The following PLA2G4B variants were observed in gnomAD, a reference collection of about 807,000 sequenced individuals.
PLA2G4B encodes cytosolic phospholipase A2 beta.
A neutral mutation model predicts 95.8 loss-of-function variants in PLA2G4B; 122 were observed. The ratio of observed to expected loss-of-function variants is 1.27; its 90% CI spans 1.10 to 1.48. The LOEUF is 1.48. Among genes scored for constraint, PLA2G4B ranks in the 40% most tolerant of loss-of-function variants. The probability of loss-of-function intolerance (pLI) is 0.00; values close to 1 mark genes in which losing one functional copy is unlikely to be tolerated. For synonymous variants in PLA2G4B, 518 were observed against 421.5 expected, an observed-to-expected ratio of 1.23 and a Z score of -2.80; for missense variants, 1,158 against 996.2, an observed-to-expected ratio of 1.16 and a Z score of -2.19.
Position 41,842,585 on chromosome 15 carries a change from A to C in PLA2G4B, c.737A>C (p.Glu246Ala). 3.7e-6 allele frequency: 6 copies of C among 1,607,200 alleles called. No individual in the cohort carries two copies. Among genetic ancestry groups the C allele is most frequent in the Non-Finnish European group, 5.1e-6 (6 of 1,178,290 alleles). ...CTGATGAGAGTGGAGCTGAAAAAAG[A>C]AGCAGGGTGAGAGGCCTGGCTGGGG... ...EPLMRVELKKEAGLRELAVRL... is the reference protein window; with the variant it reads ...EPLMRVELKKAAGLRELAVRL... Residue 246 changes from glutamate (E) to alanine (A), a missense_variant, in exon 10 of 20, where the codon GAA becomes GCA. Transcript: ENST00000458483.
At position 41,845,209 on chromosome 15, in the gene PLA2G4B, G is replaced by A. The variant is rs1405954915; in HGVS notation, c.1246G>A (p.Asp416Asn). ...NEALLHDEPH[D>N]HKLSDQREAL... The stretch of plus-strand genomic sequence containing the variant: ...TCTACGCATCTTTCCCCAGCCCCAT[G>A]ATCACAAGCTCTCAGATCAACGGGA... Residue 416 changes from aspartate (D) to asparagine (N), a missense_variant, in exon 14 of 20, where the codon GAT becomes AAT. Asp to Asn is a conservative substitution (Grantham distance 23, BLOSUM62 1). Transcript: ENST00000458483. 1.2e-6 allele frequency: 2 copies of A among 1,614,022 alleles called. No individual in the cohort carries two copies. The highest frequency in any genetic ancestry group is 1.3e-5 in the African/African-American group (1 of 74,938).
rs148841216 is a variant in PLA2G4B at position 41,845,082 on chromosome 15, G to T, written c.1239+12G>T. 5.6e-6 allele frequency: 9 copies of T among 1,595,422 alleles called. No individual in the cohort carries two copies. Among genetic ancestry groups the T allele is most frequent in the Admixed American group, 1.7e-5 (1 of 58,308 alleles). On this transcript the variant is annotated intron_variant, in intron 13 of 19. Coordinates refer to ENST00000458483, the MANE Select transcript of PLA2G4B (RefSeq NM_001114633.2). The stretch of plus-strand genomic sequence containing the variant: ...TGCTGCATGATGAGGTGCGGGGGCT[G>T]CGGCCTGGGGGCAGAGCCAGGGCAA...
chr15:41,840,889 TCTCA>T lies in PLA2G4B; in HGVS notation c.338_341del (p.Ser113Ter), dbSNP rs754161711. 31 of 1,613,408 alleles carry T rather than the reference TCTCA, an allele frequency of 1.9e-5. No homozygotes were observed. The South Asian group carries it at 2.7e-4, about 14-fold the overall frequency. On this transcript the variant is annotated frameshift_variant, in exon 4 of 20. Transcript: ENST00000458483. LOFTEE classifies it high-confidence loss of function. Reference sequence around the variant, plus strand: ...GCTGGGGAGTTCCGGCGCGAGAGCTTCTCACTGAGCCCTCAGGCAAGGCGGTGTT... The same window carrying T: ...GCTGGGGAGTTCCGGCGCGAGAGCTTCTGAGCCCTCAGGCAAGGCGGTGTT...
Position 41,846,706 on chromosome 15 carries a change from C to A in PLA2G4B, c.1818C>A (p.Pro606=). 1.9e-6 allele frequency: 3 copies of A among 1,613,826 alleles called. No individual in the cohort carries two copies. The highest frequency in any genetic ancestry group is 2.5e-6 in the Non-Finnish European group (3 of 1,179,836). Residue 606 remains proline, a synonymous_variant, in exon 18 of 20, where the codon CCC becomes CCA. Coordinates refer to ENST00000458483, the MANE Select transcript of PLA2G4B (RefSeq NM_001114633.2). ...ATGGGCTCCCCAACCAGCTGACACC[C>A]TCGGAGCCCCACCTGTGCCTGCTGG... ...TLDGLPNQLT[P]SEPHLCLLDV... is the part of the protein sequence containing the mutation.
Position 41,847,805 on chromosome 15 carries a change from T to C in PLA2G4B, c.2291T>C (p.Leu764Pro). 6.2e-7 allele frequency: 1 copy of C among 1,608,930 alleles called. No homozygotes were observed. The highest frequency in any genetic ancestry group is 8.5e-7 in the Non-Finnish European group (1 of 1,180,006). The change falls in exon 20 of 20, where the codon CTG becomes CCG. Residue 764 changes from leucine to proline, a missense_variant. By Grantham distance (98) the Leu-to-Pro change is moderately conservative. Coordinates refer to ENST00000458483, the MANE Select transcript of PLA2G4B (RefSeq NM_001114633.2). Reference sequence around the variant, plus strand: ...AATGTCTGCAACAACCAGGAGCAGCTGCTGGAGGCTCTGCGCCAGGCAGTG... The same window carrying C: ...AATGTCTGCAACAACCAGGAGCAGCCGCTGGAGGCTCTGCGCCAGGCAGTG... Reference protein sequence around the residue: ...HYNVCNNQEQLLEALRQAVQR... With the variant: ...HYNVCNNQEQPLEALRQAVQR...
chr15:41,847,412 CAG>C lies in PLA2G4B; in HGVS notation c.2024_2025del (p.Gln675ProfsTer124). On this transcript the variant is annotated frameshift_variant, in exon 19 of 20. Coordinates refer to ENST00000458483, the MANE Select transcript of PLA2G4B (RefSeq NM_001114633.2). LOFTEE classifies it high-confidence loss of function. ...ACCCATCTCGCCCAGCCCCGAAGAG[CAG>C]CTCCAGCCTCGGGAGTGCCACACCT... is the stretch of plus-strand genomic sequence containing the variant. Reference protein sequence around the residue: ...FPPISPSPEEQLQPRECHTFS... With the variant: ...FPPISPSPEEXLQPRECHTFS... The C allele has an allele frequency of 6.2e-7, 1 of 1,613,258 alleles. No homozygotes were observed. Among genetic ancestry groups the C allele is most frequent in the Middle Eastern group, 1.6e-4 (1 of 6,062 alleles).
In PLA2G4B at chr15:41,845,665, T is replaced by C. The variant is rs1197519530; in HGVS notation, c.1385T>C (p.Val462Ala). Residue 462 changes from valine (V) to alanine (A), a missense_variant, in exon 15 of 20, where the codon GTC becomes GCC. Physicochemically the swap from Val to Ala is moderately conservative, Grantham distance 64. Coordinates refer to ENST00000458483, the MANE Select transcript of PLA2G4B (RefSeq NM_001114633.2). ...TGGTGCGAGTTCTCTCCCTACGAGG[T>C]CGGCTTCCCCAAGTACGGGGCCTTC... ...GEWCEFSPYE[V>A]GFPKYGAFIP... The C allele has an allele frequency of 4.3e-6, 7 of 1,614,078 alleles. No homozygotes were observed. In the South Asian group the frequency reaches 6.6e-5, roughly 15 times the overall value.
Position 41,844,890 on chromosome 15 carries a change from G to C in PLA2G4B, c.1059G>C (p.Lys353Asn). ...NLYEDPEWSQ[K>N]DLAGPTELLK... ...ATGAGGACCCAGAGTGGTCTCAGAA[G>C]GACCTGGCAGGGCCCACTGAGTTGC... Residue 353 changes from lysine to asparagine, a missense_variant, in exon 13 of 20, where the codon AAG (lysine) becomes AAC (asparagine). Transcript: ENST00000458483. 3 of 1,611,294 alleles carry C rather than the reference G, an allele frequency of 1.9e-6. No homozygotes were observed. Among genetic ancestry groups the C allele is most frequent in the Non-Finnish European group, 2.5e-6 (3 of 1,179,046 alleles).
rs141176840 is a variant in PLA2G4B at position 41,841,541 on chromosome 15, G to A, written c.460G>A (p.Val154Ile). 3.1e-4 allele frequency: 497 copies of A among 1,614,104 alleles called. 4 individuals are homozygous for A. In the African/African-American group the frequency reaches 3.3e-3, roughly 11 times the overall value. The change falls in exon 7 of 20, where the codon GTT (valine) becomes ATT (isoleucine). Residue 154 changes from valine to isoleucine, a missense_variant. Physicochemically the swap from Val to Ile is conservative, Grantham distance 29 (BLOSUM62 3). Transcript: ENST00000458483. ...LVARELSCLH[V>I]QLEETGDQKS... is the part of the protein sequence containing the mutation. ...GGCCCGGGAGCTCTCCTGCTTGCAC[G>A]TTCAACTGGAGGAGACAGGAGACCA...
rs766227619 is a variant in PLA2G4B at position 41,845,075 on chromosome 15, G to C, written c.1239+5G>C. On this transcript the variant is annotated splice_donor_5th_base_variant and intron_variant, in intron 13 of 19. Transcript: ENST00000458483. ...GAGGCGCTGCTGCATGATGAGGTGC[G>C]GGGGCTGCGGCCTGGGGGCAGAGCC... 6 of 1,595,610 alleles carry C rather than the reference G, an allele frequency of 3.8e-6. No homozygotes were observed. The highest frequency in any genetic ancestry group is 4.3e-6 in the Non-Finnish European group (5 of 1,169,660).
In PLA2G4B at chr15:41,845,033, T is replaced by G; in HGVS notation, c.1202T>G (p.Leu401Arg). Residue 401 changes from leucine to arginine, a missense_variant, in exon 13 of 20, where the codon CTG becomes CGG. Leu to Arg is a moderately radical substitution (Grantham distance 102). Transcript: ENST00000458483. ...GGCTACCCAAGCTGCTTCACCAACCTGTGGGCCCTCATCAACGAGGCGCTG... is the reference window on the plus strand; with the variant it reads ...GGCTACCCAAGCTGCTTCACCAACCGGTGGGCCCTCATCAACGAGGCGCTG... Reference protein sequence around the residue: ...RLGYPSCFTNLWALINEALLH... With the variant: ...RLGYPSCFTNRWALINEALLH... The G allele has an allele frequency of 6.2e-7, 1 of 1,600,800 alleles. No individual in the cohort carries two copies. The highest frequency in any genetic ancestry group is 8.5e-7 in the Non-Finnish European group (1 of 1,173,468).
At position 41,845,987 on chromosome 15, in the gene PLA2G4B, T is replaced by C; in HGVS notation, c.1540T>C (p.Tyr514His). The part of the protein sequence containing the change: ...LYAANLQDSL[Y>H]WASEPSQFWD... ...TGCAGCCAACCTCCAGGACAGCTTATACTGGGCCTCAGAGCCCAGCCAGTT... is the reference window on the plus strand; with the variant it reads ...TGCAGCCAACCTCCAGGACAGCTTACACTGGGCCTCAGAGCCCAGCCAGTT... The change falls in exon 16 of 20, where the codon TAC (tyrosine) becomes CAC (histidine). Residue 514 changes from tyrosine (Y) to histidine (H), a missense_variant. Coordinates refer to ENST00000458483, the MANE Select transcript of PLA2G4B (RefSeq NM_001114633.2). 1 of 1,522,808 alleles carries C rather than the reference T, an allele frequency of 6.6e-7. No individual in the cohort carries two copies. Among genetic ancestry groups the C allele is most frequent in the Non-Finnish European group, 8.8e-7 (1 of 1,136,298 alleles). The allele number at this position is 1,522,808 out of a possible 1,614,324, so 94.3% of individuals were successfully genotyped here.
In PLA2G4B at chr15:41,845,088, TG is replaced by T. The variant is rs1237812869; in HGVS notation, c.1239+23del. 1.3e-6 allele frequency: 2 copies of T among 1,594,978 alleles called. No homozygotes were observed. The highest frequency in any genetic ancestry group is 1.7e-6 in the Non-Finnish European group (2 of 1,168,622). Reference sequence around the variant, plus strand: ...ATGATGAGGTGCGGGGGCTGCGGCCTGGGGGCAGAGCCAGGGCAAGGGCTGG... The same window carrying T: ...ATGATGAGGTGCGGGGGCTGCGGCCTGGGGCAGAGCCAGGGCAAGGGCTGG... On this transcript the variant is annotated intron_variant, in intron 13 of 19. Transcript: ENST00000458483.
Position 41,847,532 on chromosome 15 carries a change from C to G in PLA2G4B, c.2134+9C>G, listed in dbSNP as rs371774672. 102 of 1,602,326 alleles carry G rather than the reference C, an allele frequency of 6.4e-5. No homozygotes were observed. Among genetic ancestry groups the G allele is most frequent in the Non-Finnish European group, 8.2e-5 (96 of 1,171,802 alleles). ...GGAGTACTCGGCCCCTGGTGAGCTG[C>G]TGTTCACCTCCCCATCCTGCTGCCC... On this transcript the variant is annotated intron_variant, in intron 19 of 19. Coordinates refer to ENST00000458483, the MANE Select transcript of PLA2G4B (RefSeq NM_001114633.2).
Position 41,847,502 on chromosome 15 carries a change from T to C in PLA2G4B, c.2113T>C (p.Phe705Leu), listed in dbSNP as rs1667523376. ...GCACTTTCCTCTGGTCAGCGACTCC[T>C]TCCGGGAGTACTCGGCCCCTGGTGA... is the stretch of plus-strand genomic sequence containing the variant. ...VLHFPLVSDS[F>L]REYSAPGVRR... Residue 705 changes from phenylalanine to leucine, a missense_variant, in exon 19 of 20, where the codon TTC (phenylalanine) becomes CTC (leucine). By Grantham distance (22) the Phe-to-Leu change is conservative. Transcript: ENST00000458483. The C allele has an allele frequency of 6.2e-7, 1 of 1,607,278 alleles. No individual in the cohort carries two copies. Among genetic ancestry groups the C allele is most frequent in the African/African-American group, 1.3e-5 (1 of 74,658 alleles).
intron 19 of PLA2G4B, 46 bp from the exon 20 acceptor site, chr15:41,847,603 C>G (rs756294344): frequency 4.5e-5 from 73 of 1,612,466 alleles, no homozygotes; most frequent in Non-Finnish European, 6.1e-5. Flanking sequence ...CCAAACCTGT[C>G]TTCCCCACAA....
At chr15:41,839,136 C>T in intron 1 of PLA2G4B, 2 of 428,790 alleles carry the variant, frequency 4.7e-6, no homozygotes, top group Middle Eastern at 5.1e-4. Context: ...GGAACGGGCT[C>T]CTGGCAGAGC....
intron 14 of PLA2G4B, 37 bp from the exon 15 acceptor site, chr15:41,845,601 C>G: frequency 6.2e-7 from 1 of 1,613,322 alleles, no homozygotes; most frequent in Non-Finnish European, 8.5e-7. Flanking sequence ...TGCCTAAGGG[C>G]TCTGCACCAT....
At chr15:41,841,374 C>T (rs1595419457) in intron 6 of PLA2G4B, 101 bp downstream of exon 6, 3 of 1,609,056 alleles carry the variant, frequency 1.9e-6, no homozygotes, top group African/African-American at 1.3e-5. Context: ...CCTGGGGACC[C>T]TGGGATTTCA....
Sources: allele counts gnomAD v4.1 joint callset, GRCh38; gene constraint gnomAD v4.1.1; transcripts MANE v1.5; gene names NCBI Gene and HGNC (gene_info 2026-07-23, HGNC 2026-07-21).